Variants in GALNT7 observed in about 807,000 individuals in gnomAD.
GALNT7 encodes polypeptide N-acetylgalactosaminyltransferase 7, also known as N-acetylgalactosaminyltransferase 7.
GALNT7 carries 60 observed loss-of-function variants against 82.1 expected under a neutral mutation model. The ratio of observed to expected loss-of-function variants is 0.73; its 90% confidence interval spans 0.59 to 0.91. The LOEUF (loss-of-function observed/expected upper bound fraction) is 0.91, where lower values mean the gene tolerates loss of function less well. Among genes scored for constraint, GALNT7 ranks in the 40% least tolerant of loss-of-function variants. GALNT7 has a pLI of 0.00. For synonymous variants in GALNT7, 243 were observed against 275.1 expected (o/e 0.88, Z 1.15); for missense variants, 660 against 804.2 (o/e 0.82, Z 2.17).
intron 8 of GALNT7, among the ~76,000 whole-genome samples, chr4:173,313,582 A>AG (rs1554029988): frequency 1.3e-5 from 2 of 151,648 alleles, no homozygotes; most frequent in African/African-American, 2.4e-5. Context: ...AAAAAAAAAA[A>AG]AAAAGAAAAG....
intron 1 of GALNT7, 77 bp downstream of exon 1, chr4:173,169,038 G>C: frequency 6.9e-7 from 1 of 1,457,592 alleles, no homozygotes; most frequent in African/African-American, 1.4e-5. Context: ...GAGGGAGCAG[G>C]GGCGGCGGGG....
chr4:173,317,080 C>A (rs1737632658), intron 9 of GALNT7: 1 of 152,260 alleles, frequency 6.6e-6, no homozygotes, highest in South Asian at 2.1e-4. Context: ...AAAAATAGTT[C>A]TTTTCATACA....
chr4:173,303,116 A>G (rs1199579354), intron 7 of GALNT7, among the ~76,000 whole-genome samples: 1 of 152,056 alleles, frequency 6.6e-6, no homozygotes, highest in African/African-American at 2.4e-5. Flanking sequence ...AATTGCTTGA[A>G]TCTGGGAGGC....
chr4:173,197,982 A>G (rs1050606032), intron 1 of GALNT7, among the ~76,000 whole-genome samples: 2 of 152,140 alleles, frequency 1.3e-5, no homozygotes, highest in South Asian at 4.1e-4. Flanking sequence ...AGGAATTAAA[A>G]CATGTAAACC....
At chr4:173,297,914 G>A (rs1271171665) in intron 5 of GALNT7, 2 of 1,500,684 alleles carry the variant, frequency 1.3e-6, no homozygotes, top group Non-Finnish European at 1.8e-6. Flanking sequence ...AGTTTACTAT[G>A]GAAACGTATT....
At chr4:173,170,966 G>A (rs550105955) in intron 1 of GALNT7, among the ~76,000 whole-genome samples, 2 of 152,176 alleles carry the variant, frequency 1.3e-5, no homozygotes, top group South Asian at 4.1e-4. Flanking sequence ...TTGATTTTTT[G>A]TTTGTTTCAG....
In GALNT7 at chr4:173,317,602, CCTG is replaced by C. The variant is rs753151082; in HGVS notation, c.1609-29_1609-27del. On this transcript the variant is annotated intron_variant, in intron 9 of 11. Transcript: ENST00000265000. The stretch of plus-strand genomic sequence containing the variant: ...GAGTTCATCAAAAACTAAACTGTTG[CCTG>C]CTTTTTGCGTCTTTATTCATTTTTT... 15 of 1,310,700 alleles carry C rather than the reference CCTG, an allele frequency of 1.1e-5. No homozygotes were observed. In the South Asian group the frequency reaches 1.8e-4, roughly 16 times the overall value. The allele number at this position is 1,310,700 out of a possible 1,614,324, so 81.2% of individuals were successfully genotyped here.
intron 6 of GALNT7, 59 bp downstream of exon 6, chr4:173,298,356 C>G (rs1470290240): frequency 1.8e-6 from 2 of 1,130,046 alleles, no homozygotes; most frequent in East Asian, 4.9e-5. Flanking sequence ...ACCTATTAAC[C>G]TCTTGCCAAG....
At chr4:173,299,657 G>A (rs563512695) in intron 6 of GALNT7, among the ~76,000 whole-genome samples, 1 of 152,124 alleles carries the variant, frequency 6.6e-6, no homozygotes, top group Non-Finnish European at 1.5e-5. Context: ...GATCAACCTT[G>A]CTAACATGGT....
At position 173,323,536 on chromosome 4, in the gene GALNT7, G is replaced by C. The variant is rs935493522; in HGVS notation, c.*1819G>C. Reference sequence around the variant, plus strand: ...GCAAATAGGCTCCATTTTCCATGTTGAGTAGATTATAACCTTATTAACTAT... The same window carrying C: ...GCAAATAGGCTCCATTTTCCATGTTCAGTAGATTATAACCTTATTAACTAT... On this transcript the variant is annotated 3_prime_UTR_variant, in exon 12 of 12. Transcript: ENST00000265000. The C allele has an allele frequency of 1.3e-5, 2 of 152,574 alleles. No homozygotes were observed. Among genetic ancestry groups the C allele is most frequent in the Non-Finnish European group, 2.9e-5 (2 of 68,002 alleles). 9.5% of individuals were successfully genotyped at this position (152,574 alleles called of 1,614,324 possible). A position where few individuals can be genotyped will look rare whatever the true frequency, so the allele number is the denominator to read the frequency against.
intron 1 of GALNT7, 183 bp downstream of exon 1, chr4:173,169,144 C>T (rs1373528885): frequency 2.0e-5 from 6 of 298,118 alleles, no homozygotes; most frequent in Admixed American, 1.1e-4. Context: ...CCTCCCTGGC[C>T]GCCGCCGGCC....
At chr4:173,198,876 G>T (rs1732861074) in intron 1 of GALNT7, among the ~76,000 whole-genome samples, 1 of 152,136 alleles carries the variant, frequency 6.6e-6, no homozygotes, top group South Asian at 2.1e-4. Flanking sequence ...GGTGAGAAGT[G>T]AGAGCTATTT....
In GALNT7 at chr4:173,269,291, G is replaced by A. The variant is rs144486112; in HGVS notation, c.587+20851G>A. ...TTTAAGGAATAGAAATAAAGTGGCCGAGTTATTATTATATGTTCCGCCCAT... is the reference window on the plus strand; with the variant it reads ...TTTAAGGAATAGAAATAAAGTGGCCAAGTTATTATTATATGTTCCGCCCAT... On this transcript the variant is annotated intron_variant, in intron 2 of 11. Coordinates refer to ENST00000265000, the MANE Select transcript of GALNT7 (RefSeq NM_017423.3). Among the ~76,000 whole-genome samples, 324 of 152,276 alleles carry A rather than the reference G, an allele frequency of 2.1e-3. 1 individual carries two copies. The highest frequency in any genetic ancestry group is 7.4e-3 in the African/African-American group (309 of 41,546).
intron 8 of GALNT7, among the ~76,000 whole-genome samples, chr4:173,308,844 A>G (rs1187658228): frequency 6.6e-6 from 1 of 152,230 alleles, no homozygotes; most frequent in African/African-American, 2.4e-5. Flanking sequence ...CAGAGTTTGC[A>G]GTGAGCCGAG....
chr4:173,230,343 C>T (rs1236071456), intron 1 of GALNT7, among the ~76,000 whole-genome samples: 2 of 152,136 alleles, frequency 1.3e-5, no homozygotes, highest in Non-Finnish European at 2.9e-5. Flanking sequence ...TGCTTAACTA[C>T]TGCTATGTTT....
chr4:173,197,991 C>T (rs1732827442), intron 1 of GALNT7, among the ~76,000 whole-genome samples: 1 of 152,182 alleles, frequency 6.6e-6, no homozygotes, highest in Non-Finnish European at 1.5e-5. Context: ...AACATGTAAA[C>T]CATGCATTAC....
chr4:173,275,702 A>T (rs937294967), intron 2 of GALNT7, among the ~76,000 whole-genome samples: 4 of 152,212 alleles, frequency 2.6e-5, no homozygotes, highest in Non-Finnish European at 5.9e-5. Flanking sequence ...AAACCCATTG[A>T]TTATTTAGAC....
In GALNT7 at chr4:173,231,744, A is replaced by G. The variant is rs527768667; in HGVS notation, c.127-16236A>G. Among the ~76,000 whole-genome samples the G allele has an allele frequency of 2.0e-5, 3 of 152,324 alleles. No homozygotes were observed. In the South Asian group the frequency reaches 6.2e-4, roughly 32 times the overall value. ...GCCCTCCTTTAAATATATGGAGGCC[A>G]GGAAACATGTTTCCTGTTGAATAAC... On this transcript the variant is annotated intron_variant, in intron 1 of 11. Coordinates refer to ENST00000265000, the MANE Select transcript of GALNT7 (RefSeq NM_017423.3).
intron 1 of GALNT7, among the ~76,000 whole-genome samples, chr4:173,206,175 T>G (rs1284616885): frequency 2.0e-5 from 3 of 152,210 alleles, no homozygotes; most frequent in Admixed American, 2.0e-4. Flanking sequence ...AAGCTTCATT[T>G]TGCCGGCAGA....
Sources: allele counts gnomAD v4.1 joint callset (sites outside exome capture counted in the v4.1 genomes callset), GRCh38; gene constraint gnomAD v4.1.1; transcripts MANE v1.5; gene names NCBI Gene and HGNC (gene_info 2026-07-23, HGNC 2026-07-21).